NEURL1: variants seen among roughly 807,000 people sequenced by gnomAD.
The protein encoded by NEURL1 is neuralized E3 ubiquitin protein ligase 1.
In NEURL1, 26 loss-of-function variants were observed where a neutral mutation model predicts 41.2. The ratio of observed to expected loss-of-function variants is 0.63; its 90% CI spans 0.46 to 0.87. NEURL1 has a LOEUF of 0.87. Ranked by LOEUF, NEURL1 falls within the 40% of genes least tolerant of loss-of-function variation. The probability of loss-of-function intolerance (pLI) is 0.00; values close to 1 mark genes in which losing one functional copy is unlikely to be tolerated. For missense variants in NEURL1, 761 were observed against 871.1 expected (o/e 0.87, Z 1.59); for synonymous variants, 400 against 402.3 (o/e 0.99, Z 0.07).
At chr10:103,565,550 C>T (rs1398610380) in intron 1 of NEURL1, among the ~76,000 whole-genome samples, 4 of 152,336 alleles carry the variant, frequency 2.6e-5, no homozygotes, top group East Asian at 1.9e-4. Flanking sequence ...CTAGGCACTG[C>T]CCAGGGTGAG....
At position 103,566,763 on chromosome 10, in the gene NEURL1, T is replaced by A. The variant is rs1399244656; in HGVS notation, c.86-4109T>A. 6.6e-6 allele frequency among the ~76,000 whole-genome samples: 1 copy of A among 152,176 alleles called. No individual in the cohort carries two copies. Among genetic ancestry groups the A allele is most frequent in the Non-Finnish European group, 1.5e-5 (1 of 68,024 alleles). On this transcript the variant is annotated intron_variant, in intron 1 of 5. Transcript: ENST00000369780. This position sits in a 1 kb window ranked among gnomAD's most constrained non-coding sequence, Gnocchi z 4.2. ...AGGCATTTTTCACTTCATGAGAAACTGCCAAACCATTCTCAACACTGGCTT... is the reference window on the plus strand; with the variant it reads ...AGGCATTTTTCACTTCATGAGAAACAGCCAAACCATTCTCAACACTGGCTT...
At position 103,571,666 on chromosome 10, in the gene NEURL1, G is replaced by A; in HGVS notation, c.493G>A (p.Gly165Ser). Residue 165 changes from glycine to serine, a missense_variant, in exon 3 of 6, where the codon GGC becomes AGC. This residue lies in a region of NEURL1 where 65 missense variants were observed against 131.6 expected (regional missense o/e 0.49). Coordinates refer to ENST00000369780, the MANE Select transcript of NEURL1 (RefSeq NM_004210.5). The stretch of plus-strand genomic sequence containing the variant: ...GCTGCCTGAGGAGTTTGCCAATGAG[G>A]GCAACATCATCGCATTCTGGGTGGA... ...KALPEEFANE[G>S]NIIAFWVDKK... 6.2e-7 allele frequency: 1 copy of A among 1,614,214 alleles called. No homozygotes were observed. The highest frequency in any genetic ancestry group is 8.5e-7 in the Non-Finnish European group (1 of 1,180,032).
At chr10:103,588,848 A>C (rs1218058784) in intron 4 of NEURL1, 1 of 445,674 alleles carries the variant, frequency 2.2e-6, no homozygotes, top group African/African-American at 2.1e-5. Context: ...CAGGAGGCTG[A>C]GGCAGGAGAA....
At chr10:103,589,439 T>C (rs1205656811) in intron 4 of NEURL1, 75 bp from the exon 5 acceptor site, 2 of 1,493,380 alleles carry the variant, frequency 1.3e-6, no homozygotes, top group East Asian at 4.7e-5. Flanking sequence ...GGGAACCCAC[T>C]GTGAGGGACA....
chr10:103,528,279 C>T (rs368354734), intron 1 of NEURL1, among the ~76,000 whole-genome samples: 47 of 152,200 alleles, frequency 3.1e-4, no homozygotes, highest in East Asian at 3.1e-3. Context: ...CACCTGAACC[C>T]GGTAGGCGGA....
At chr10:103,503,402 A>G (rs2033870036) in intron 1 of NEURL1, among the ~76,000 whole-genome samples, 1 of 152,170 alleles carries the variant, frequency 6.6e-6, no homozygotes, top group Non-Finnish European at 1.5e-5. Context: ...AGTCACTGGG[A>G]GGCAGGTGGG....
intron 1 of NEURL1, among the ~76,000 whole-genome samples, chr10:103,543,926 A>AG (rs1032934477): frequency 3.5e-5 from 5 of 143,684 alleles, no homozygotes; most frequent in African/African-American, 7.6e-5. Flanking sequence ...GGGGTGGGGT[A>AG]GGGGGGGTCA....
At chr10:103,513,577 C>G (rs2034126114) in intron 1 of NEURL1, among the ~76,000 whole-genome samples, 1 of 152,212 alleles carries the variant, frequency 6.6e-6, no homozygotes, top group African/African-American at 2.4e-5. Context: ...TGGAGAGTGT[C>G]TGGGGTCATG....
intron 1 of NEURL1, among the ~76,000 whole-genome samples, chr10:103,560,650 TGG>T (rs2035272111): frequency 1.3e-5 from 2 of 152,158 alleles, no homozygotes; most frequent in African/African-American, 2.4e-5. Flanking sequence ...GCCCCCACCC[TGG>T]GCATGCACAG....
At position 103,508,921 on chromosome 10, in the gene NEURL1, G is replaced by C. The variant is rs2986054; in HGVS notation, c.85+14449G>C. ...TTAAAGAAACCAAATACAGGGTCAG[G>C]TGCGGTGGCTCATGTCTGTAATCCC... On this transcript the variant is annotated intron_variant, in intron 1 of 5. Coordinates refer to ENST00000369780, the MANE Select transcript of NEURL1 (RefSeq NM_004210.5). The surrounding 1 kb of genome is among the most constrained non-coding windows in gnomAD (Gnocchi z 4.3). 0.5 allele frequency among the ~76,000 whole-genome samples: 75,364 copies of C among 152,024 alleles called. 19,473 individuals carry two copies. Among genetic ancestry groups the C allele is most frequent in the African/African-American group, 0.63 (25,938 of 41,446 alleles).
intron 3 of NEURL1, among the ~76,000 whole-genome samples, 195 bp from the exon 4 acceptor site, chr10:103,584,341 A>G (rs2035849562): frequency 6.6e-6 from 1 of 152,098 alleles, no homozygotes; most frequent in Non-Finnish European, 1.5e-5. Context: ...GCTTCCCCCC[A>G]CCTATTCCTC....
rs1009196215 is a variant in NEURL1, at chr10:103,588,820, C to T, written c.1340-694C>T. 9 of 440,162 alleles carry T rather than the reference C, an allele frequency of 2.0e-5. No homozygotes were observed. The Admixed American group carries it at 2.3e-4, about 11-fold the overall frequency. 27.3% of individuals were successfully genotyped at this position (440,162 alleles called of 1,614,324 possible). On this transcript the variant is annotated intron_variant, in intron 4 of 5. Transcript: ENST00000369780. ...AATTAGCTGGGTGTGGTGGCATGTG[C>T]CTATGATCCCAACTACTCAGGAGGC...
At chr10:103,553,947 C>G (rs2035088914) in intron 1 of NEURL1, among the ~76,000 whole-genome samples, 1 of 152,230 alleles carries the variant, frequency 6.6e-6, no homozygotes, top group Non-Finnish European at 1.5e-5. Context: ...GACATTGTCC[C>G]TCAGACATGG....
chr10:103,564,106 C>T (rs538192482), intron 1 of NEURL1, among the ~76,000 whole-genome samples: 2 of 152,184 alleles, frequency 1.3e-5, no homozygotes, highest in Non-Finnish European at 2.9e-5. Context: ...ATGGGGAGGT[C>T]ACTCCGGAGG....
chr10:103,551,918 T>C (rs2035040180), intron 1 of NEURL1, among the ~76,000 whole-genome samples: 1 of 152,258 alleles, frequency 6.6e-6, no homozygotes, highest in African/African-American at 2.4e-5. Flanking sequence ...GCTGCTCATC[T>C]GAAGGACTTC....
intron 1 of NEURL1, among the ~76,000 whole-genome samples, chr10:103,567,198 G>A (rs1052744874): frequency 6.6e-6 from 1 of 151,904 alleles, no homozygotes; most frequent in Non-Finnish European, 1.5e-5. Flanking sequence ...TGGCCAGGCT[G>A]GTCTCGAACT....
chr10:103,516,100 C>T lies in NEURL1; in HGVS notation c.85+21628C>T, dbSNP rs540601888. ...AAAATTAGCCGAGTGTGGTGGTGTGCGCCTGTAGTCCCAGCTACTTGGGAG... is the reference window on the plus strand; with the variant it reads ...AAAATTAGCCGAGTGTGGTGGTGTGTGCCTGTAGTCCCAGCTACTTGGGAG... On this transcript the variant is annotated intron_variant, in intron 1 of 5. Transcript: ENST00000369780. Among the ~76,000 whole-genome samples the T allele has an allele frequency of 6.0e-5, 9 of 151,044 alleles. No individual in the cohort carries two copies. In the East Asian group the frequency reaches 7.8e-4, roughly 13 times the overall value.
chr10:103,584,526 T>G lies in NEURL1; in HGVS notation c.650-10T>G, dbSNP rs2035854568. On this transcript the variant is annotated splice_polypyrimidine_tract_variant and intron_variant, in intron 3 of 5. Transcript: ENST00000369780. ...GCCCTGCGTGACACTGCCCCGTGTC[T>G]CCCGCGCAGATAGCGAGCTGGTGCT... The G allele has an allele frequency of 7.4e-7, 1 of 1,351,652 alleles. No homozygotes were observed. Among genetic ancestry groups the G allele is most frequent in the African/African-American group, 1.5e-5 (1 of 65,072 alleles). 83.7% of individuals were successfully genotyped at this position (1,351,652 alleles called of 1,614,324 possible).
chr10:103,565,016 G>A (rs970464683), intron 1 of NEURL1, among the ~76,000 whole-genome samples: 1 of 152,182 alleles, frequency 6.6e-6, no homozygotes, highest in Admixed American at 6.5e-5. Flanking sequence ...ACAGCGCATC[G>A]CGGCCCCAGC....
Sources: gnomAD v4.1 joint callset for allele counts (sites outside exome capture counted in the v4.1 genomes callset) on GRCh38, gnomAD v4.1.1 for gene constraint, gnomAD v4.1.1 regional missense constraint, Gnocchi (gnomAD v3.1) non-coding constraint, MANE v1.5 for transcripts, NCBI Gene and HGNC (gene_info 2026-07-23, HGNC 2026-07-21) for gene names.